ST6GALNAC3: variants seen among roughly 807,000 people sequenced by gnomAD.
ST6GALNAC3 encodes the protein alpha-N-acetylgalactosaminide alpha-2,6-sialyltransferase 3.
Under a neutral mutation model 32.7 loss-of-function variants are expected in ST6GALNAC3, and 25 were observed. That is an observed-to-expected ratio of 0.76 (90% CI 0.56 to 1.07). The LOEUF (loss-of-function observed/expected upper bound fraction) is 1.07. Ranked by LOEUF, ST6GALNAC3 falls within the 50% of genes least tolerant of loss-of-function variation. The pLI, the probability that ST6GALNAC3 is intolerant of heterozygous loss-of-function variation, is 0.00. For synonymous variants in ST6GALNAC3, 129 were observed against 133.1 expected (o/e 0.97, Z 0.21); for missense variants, 355 against 382.4 (o/e 0.93, Z 0.60).
chr1:76,594,221 C>A (rs1466540116), intron 3 of ST6GALNAC3, among the ~76,000 whole-genome samples: 2 of 152,118 alleles, frequency 1.3e-5, no homozygotes, highest in African/African-American at 4.8e-5. Context: ...GAAGCTATTT[C>A]TACATATCCA....
chr1:76,458,907 G>A (rs1258832277), intron 3 of ST6GALNAC3, among the ~76,000 whole-genome samples: 3 of 150,250 alleles, frequency 2.0e-5, no homozygotes, highest in Non-Finnish European at 4.4e-5. Context: ...AAAAAAAAAA[G>A]AAAAAAGGAA....
chr1:76,411,371 G>A (rs568564480), intron 2 of ST6GALNAC3, among the ~76,000 whole-genome samples: 1 of 152,218 alleles, frequency 6.6e-6, no homozygotes, highest in Admixed American at 6.6e-5. Flanking sequence ...CCATCTAAAA[G>A]GAGGCCTTTC....
At chr1:76,239,578 C>T (rs573665360) in intron 1 of ST6GALNAC3, among the ~76,000 whole-genome samples, 1 of 152,116 alleles carries the variant, frequency 6.6e-6, no homozygotes, top group South Asian at 2.1e-4. Context: ...ATGCCAGACT[C>T]TTTAAACAAA....
In ST6GALNAC3 at chr1:76,198,865, G is replaced by A. The variant is rs184754669; in HGVS notation, c.19-114940G>A. Among the ~76,000 whole-genome samples the A allele has an allele frequency of 3.2e-4, 48 of 152,266 alleles. 1 individual carries two copies. The highest frequency in any genetic ancestry group is 1.0e-3 in the African/African-American group (43 of 41,540). ...AACTGAGCCAATCAGCAACTAGAGG[G>A]TAGTTGAAACTCTGGGCAAGGCTAA... On this transcript the variant is annotated intron_variant, in intron 1 of 4. Coordinates refer to ENST00000328299, the MANE Select transcript of ST6GALNAC3 (RefSeq NM_152996.4).
At chr1:76,563,623 A>G (rs1436563545) in intron 3 of ST6GALNAC3, among the ~76,000 whole-genome samples, 1 of 152,226 alleles carries the variant, frequency 6.6e-6, no homozygotes, top group African/African-American at 2.4e-5. Context: ...GTTATTTTAC[A>G]TTAAATTATC....
At chr1:76,419,092 C>T (rs1290655374) in intron 3 of ST6GALNAC3, among the ~76,000 whole-genome samples, 1 of 151,854 alleles carries the variant, frequency 6.6e-6, no homozygotes, top group Non-Finnish European at 1.5e-5. Flanking sequence ...CTGGGTGAAA[C>T]TCTGATGTAT....
intron 2 of ST6GALNAC3, among the ~76,000 whole-genome samples, chr1:76,359,552 G>T (rs1407645690): frequency 6.6e-6 from 1 of 152,154 alleles, no homozygotes; most frequent in African/African-American, 2.4e-5. Context: ...ACCTTCAGAG[G>T]TAGCATAGTT....
At chr1:76,374,248 G>C (rs946882378) in intron 2 of ST6GALNAC3, among the ~76,000 whole-genome samples, 1 of 152,154 alleles carries the variant, frequency 6.6e-6, no homozygotes, top group Non-Finnish European at 1.5e-5. Context: ...TGATGCTTGG[G>C]TGTATTAAAA....
chr1:76,563,827 AGT>A (rs765840562), intron 3 of ST6GALNAC3, among the ~76,000 whole-genome samples: 13 of 152,224 alleles, frequency 8.5e-5, no homozygotes, highest in Non-Finnish European at 1.5e-4. Flanking sequence ...GAGAGTGCTC[AGT>A]GTAGGTTCTT....
intron 2 of ST6GALNAC3, among the ~76,000 whole-genome samples, chr1:76,374,087 T>A (rs994499733): frequency 6.6e-6 from 1 of 152,204 alleles, no homozygotes; most frequent in Non-Finnish European, 1.5e-5. Flanking sequence ...CTCACACATT[T>A]TGCAGTGAGC....
At chr1:76,568,767 T>C (rs998306799) in intron 3 of ST6GALNAC3, among the ~76,000 whole-genome samples, 3 of 151,964 alleles carry the variant, frequency 2.0e-5, no homozygotes, top group African/African-American at 7.3e-5. Context: ...TCGCCAAGAG[T>C]GTTTCTGCTC....
At chr1:76,584,291 A>G (rs1646930873) in intron 3 of ST6GALNAC3, among the ~76,000 whole-genome samples, 1 of 152,240 alleles carries the variant, frequency 6.6e-6, no homozygotes, top group African/African-American at 2.4e-5. Context: ...TGTAAACTAC[A>G]TGACAGCAGG....
At chr1:76,208,302 T>C (rs908518057) in intron 1 of ST6GALNAC3, among the ~76,000 whole-genome samples, 1 of 152,262 alleles carries the variant, frequency 6.6e-6, no homozygotes, top group African/African-American at 2.4e-5. Flanking sequence ...TGATTCAGTA[T>C]GAAAGTGCTT....
chr1:76,478,760 C>CTATTT (rs1156304188), intron 3 of ST6GALNAC3, among the ~76,000 whole-genome samples: 1 of 109,088 alleles, frequency 9.2e-6, no homozygotes, highest in African/African-American at 3.7e-5. Flanking sequence ...TTTATTAATT[C>CTATTT]TTTTTTTTTT....
At chr1:76,292,652 G>T (rs569166113) in intron 1 of ST6GALNAC3, among the ~76,000 whole-genome samples, 24 of 152,146 alleles carry the variant, frequency 1.6e-4, no homozygotes, top group Admixed American at 3.3e-4. Context: ...ATATATACAA[G>T]ATTTCCCTTT....
chr1:76,342,342 C>G (rs928966359), intron 2 of ST6GALNAC3, among the ~76,000 whole-genome samples: 1 of 152,120 alleles, frequency 6.6e-6, no homozygotes, highest in African/African-American at 2.4e-5. Flanking sequence ...TAAAAGCATT[C>G]GTATTTCTCC....
At chr1:76,508,674 C>T (rs943667534) in intron 3 of ST6GALNAC3, among the ~76,000 whole-genome samples, 2 of 152,228 alleles carry the variant, frequency 1.3e-5, no homozygotes, top group Non-Finnish European at 2.9e-5. Flanking sequence ...ACAGCAAGCA[C>T]CAGCCAGGGG....
rs1171780079 is a variant in ST6GALNAC3, at chr1:76,373,672, CA to C, written c.214-38335del. Among the ~76,000 whole-genome samples, 6 of 152,228 alleles carry C rather than the reference CA, an allele frequency of 3.9e-5. No homozygotes were observed. The East Asian group carries it at 1.2e-3, about 29-fold the overall frequency. On this transcript the variant is annotated intron_variant, in intron 2 of 4. Coordinates refer to ENST00000328299, the MANE Select transcript of ST6GALNAC3 (RefSeq NM_152996.4). Reference sequence around the variant, plus strand: ...ATGAGAAAGGGGATAAGGTAACTTACACATAAATTTGGTTCAGGTACATCAT... The same window carrying C: ...ATGAGAAAGGGGATAAGGTAACTTACCATAAATTTGGTTCAGGTACATCAT...
intron 2 of ST6GALNAC3, among the ~76,000 whole-genome samples, chr1:76,346,490 G>T (rs1048594951): frequency 2.0e-5 from 3 of 152,194 alleles, no homozygotes; most frequent in African/African-American, 7.2e-5. Context: ...AGCAAGACAG[G>T]ACTATAAGGC....
Sources: allele counts gnomAD v4.1 joint callset (sites outside exome capture counted in the v4.1 genomes callset), GRCh38; gene constraint gnomAD v4.1.1; transcripts MANE v1.5; gene names NCBI Gene and HGNC (gene_info 2026-07-23, HGNC 2026-07-21).